PKNOX2: variants seen among roughly 807,000 people sequenced by gnomAD.
PKNOX2 encodes homeobox protein PKNOX2.
A neutral mutation model predicts 53.1 loss-of-function variants in PKNOX2; 14 were observed. The observed-to-expected ratio is 0.26, with a 90% CI of 0.17 to 0.41. PKNOX2 has a LOEUF of 0.41. Ranked by LOEUF, PKNOX2 falls within the 10% of genes least tolerant of loss-of-function variation. The probability of loss-of-function intolerance (pLI) is 1.00; values close to 1 mark genes in which losing one functional copy is unlikely to be tolerated. For synonymous variants in PKNOX2, 257 were observed against 242.8 expected, an observed-to-expected ratio of 1.06 and a Z score of -0.54; for missense variants, 496 against 602.8, an observed-to-expected ratio of 0.82 and a Z score of 1.85.
chr11:125,376,057 G>A (rs1266265589), intron 5 of PKNOX2, among the ~76,000 whole-genome samples: 1 of 152,184 alleles, frequency 6.6e-6, no homozygotes, highest in African/African-American at 2.4e-5. Context: ...TCACTGTGTT[G>A]AGATTTCACA....
At chr11:125,298,919 A>T (rs12273890) in intron 2 of PKNOX2, among the ~76,000 whole-genome samples, 23,469 of 152,156 alleles carry the variant, frequency 0.15, 1,936 homozygotes, top group East Asian at 0.25. Flanking sequence ...CTCCAGATCA[A>T]GCCCTGTGTT....
At chr11:125,186,602 T>C (rs950650824) in intron 1 of PKNOX2, among the ~76,000 whole-genome samples, 9 of 152,210 alleles carry the variant, frequency 5.9e-5, no homozygotes, top group African/African-American at 1.7e-4. Flanking sequence ...CAATGAGCTG[T>C]GATTGCACCA....
rs76725143 is a variant in PKNOX2 at position 125,179,877 on chromosome 11, G to A, written c.-201+15101G>A. The stretch of plus-strand genomic sequence containing the variant: ...AATGAACAAATGCATTAGGTATTTT[G>A]CCCTCAGCATATATGTGAATGGCAT... On this transcript the variant is annotated intron_variant, in intron 1 of 12. Coordinates refer to ENST00000298282, the MANE Select transcript of PKNOX2 (RefSeq NM_001382323.2). 7.9e-5 allele frequency among the ~76,000 whole-genome samples: 12 copies of A among 152,300 alleles called. No homozygotes were observed. The East Asian group carries it at 2.1e-3, about 27-fold the overall frequency.
chr11:125,389,435 G>A (rs962692508), intron 6 of PKNOX2, among the ~76,000 whole-genome samples: 1 of 152,118 alleles, frequency 6.6e-6, no homozygotes, highest in Non-Finnish European at 1.5e-5. Flanking sequence ...ATTTCCAGGG[G>A]ACGCGGGTGG....
chr11:125,378,995 G>T (rs1160461701), intron 5 of PKNOX2, among the ~76,000 whole-genome samples: 1 of 149,162 alleles, frequency 6.7e-6, no homozygotes, highest in Non-Finnish European at 1.5e-5. Flanking sequence ...TTAAACCCAG[G>T]TGGTCCAAAA....
chr11:125,294,062 TATA>T (rs2135924849), intron 2 of PKNOX2, among the ~76,000 whole-genome samples: 1 of 152,346 alleles, frequency 6.6e-6, no homozygotes, highest in South Asian at 2.1e-4. Context: ...CCACTAATGT[TATA>T]ATAATATTTT....
At chr11:125,226,695 G>T (rs1365007267) in intron 1 of PKNOX2, among the ~76,000 whole-genome samples, 1 of 150,648 alleles carries the variant, frequency 6.6e-6, no homozygotes, top group Non-Finnish European at 1.5e-5. Flanking sequence ...TATACACCTA[G>T]ATGGTACAAC....
chr11:125,191,345 A>G (rs1194287410), intron 1 of PKNOX2: 1 of 152,336 alleles, frequency 6.6e-6, no homozygotes, highest in South Asian at 2.1e-4. Context: ...AGTGGGTTGC[A>G]TTCATTTTCA....
At chr11:125,315,260 C>T (rs1949083320) in intron 2 of PKNOX2, among the ~76,000 whole-genome samples, 1 of 149,070 alleles carries the variant, frequency 6.7e-6, no homozygotes, top group Admixed American at 6.7e-5. Flanking sequence ...CATTAACCCC[C>T]TGCCAGGATG....
rs541626648 is a variant in PKNOX2, at chr11:125,322,916, C to T, written c.-129-8903C>T. Among the ~76,000 whole-genome samples, 7 of 152,288 alleles carry T rather than the reference C, an allele frequency of 4.6e-5. No individual in the cohort carries two copies. In the East Asian group the frequency reaches 5.8e-4, roughly 13 times the overall value. On this transcript the variant is annotated intron_variant, in intron 2 of 12. Transcript: ENST00000298282. ...CAGTGAAGCATAAACAAAAAGTTAACGGATGGGATTGGACATGCTTTGGGT... is the reference window on the plus strand; with the variant it reads ...CAGTGAAGCATAAACAAAAAGTTAATGGATGGGATTGGACATGCTTTGGGT...
intron 7 of PKNOX2, among the ~76,000 whole-genome samples, chr11:125,402,158 G>A (rs187985796): frequency 1.4e-3 from 213 of 152,240 alleles, no homozygotes; most frequent in African/African-American, 4.9e-3. Context: ...TGGGAAGTAA[G>A]GGAGACTGTT....
intron 12 of PKNOX2, among the ~76,000 whole-genome samples, chr11:125,430,954 G>A (rs1956673333): frequency 6.6e-6 from 1 of 152,212 alleles, no homozygotes; most frequent in African/African-American, 2.4e-5. Flanking sequence ...CGGTGGCTGG[G>A]AGTGCTGCTT....
intron 5 of PKNOX2, among the ~76,000 whole-genome samples, chr11:125,383,841 C>T (rs1953422081): frequency 6.6e-6 from 1 of 152,208 alleles, no homozygotes; most frequent in Admixed American, 6.5e-5. Context: ...TTGCACAGCA[C>T]TGGCTAGACC....
intron 2 of PKNOX2, among the ~76,000 whole-genome samples, chr11:125,324,707 G>A (rs1263793407): frequency 6.6e-6 from 1 of 152,284 alleles, no homozygotes; most frequent in East Asian, 1.9e-4. Flanking sequence ...CTGTGGAGAT[G>A]GAAAGGAAGA....
At chr11:125,346,760 G>A (rs998747614) in intron 3 of PKNOX2, among the ~76,000 whole-genome samples, 2 of 149,272 alleles carry the variant, frequency 1.3e-5, no homozygotes, top group Non-Finnish European at 2.9e-5. Context: ...AAGGAAGGAA[G>A]GGAGGAAGGA....
At chr11:125,318,273 ATTTTTTT>A (rs906412845) in intron 2 of PKNOX2, among the ~76,000 whole-genome samples, 2 of 133,424 alleles carry the variant, frequency 1.5e-5, no homozygotes, top group Non-Finnish European at 3.2e-5. Context: ...TGCCTGGCTA[ATTTTTTT>A]TTTTTTTTTT....
At position 125,215,231 on chromosome 11, in the gene PKNOX2, G is replaced by A. The variant is rs754539818; in HGVS notation, c.-200-19814G>A. Among the ~76,000 whole-genome samples, 16 of 152,052 alleles carry A rather than the reference G, an allele frequency of 1.1e-4. 1 individual carries two copies. Among genetic ancestry groups the A allele is most frequent in the South Asian group, 4.2e-4 (2 of 4,818 alleles). ...AAGACGGGGCTTAGGAGTTAGTGCAGTAATCATTGGTTTTCTAATCAAGGC... is the reference window on the plus strand; with the variant it reads ...AAGACGGGGCTTAGGAGTTAGTGCAATAATCATTGGTTTTCTAATCAAGGC... On this transcript the variant is annotated intron_variant, in intron 1 of 12. Coordinates refer to ENST00000298282, the MANE Select transcript of PKNOX2 (RefSeq NM_001382323.2).
intron 4 of PKNOX2, among the ~76,000 whole-genome samples, chr11:125,357,667 T>G (rs1401195423): frequency 6.6e-6 from 1 of 152,050 alleles, no homozygotes; most frequent in African/African-American, 2.4e-5. Context: ...TCAGAAAGCT[T>G]TGGTGTCTGT....
At chr11:125,359,805 C>T (rs1951823590) in intron 4 of PKNOX2, among the ~76,000 whole-genome samples, 1 of 152,166 alleles carries the variant, frequency 6.6e-6, no homozygotes. Flanking sequence ...CCTAAGGGGG[C>T]CCTCCTGGGG....
Sources: gnomAD v4.1 joint callset for allele counts (sites outside exome capture counted in the v4.1 genomes callset) on GRCh38, gnomAD v4.1.1 for gene constraint, MANE v1.5 for transcripts, NCBI Gene and HGNC (gene_info 2026-07-23, HGNC 2026-07-21) for gene names.